PCDH9: variants seen among roughly 807,000 people sequenced by gnomAD.
The protein encoded by PCDH9 is protocadherin 9.
In PCDH9, 24 loss-of-function variants were observed where a neutral mutation model predicts 70.6. The observed-to-expected ratio is 0.34, with a 90% CI of 0.25 to 0.48. PCDH9 has a LOEUF of 0.48. PCDH9 is among the 20% of genes least tolerant of loss of function. The probability of loss-of-function intolerance (pLI) is 0.99; values close to 1 mark genes in which losing one functional copy is unlikely to be tolerated. For missense variants in PCDH9, 1,281 were observed against 1,503.6 expected (o/e 0.85, Z 2.45); for synonymous variants, 562 against 558.5 (o/e 1.01, Z -0.09).
intron 2 of PCDH9, among the ~76,000 whole-genome samples, chr13:67,158,334 T>C (rs1463307994): frequency 6.6e-6 from 1 of 152,230 alleles, no homozygotes; most frequent in African/African-American, 2.4e-5. Flanking sequence ...AAATTAAAAG[T>C]GCGAACTTAT....
chr13:66,584,452 T>C (rs2076935766), intron 4 of PCDH9, among the ~76,000 whole-genome samples: 1 of 152,138 alleles, frequency 6.6e-6, no homozygotes, highest in African/African-American at 2.4e-5. Context: ...TGCTTACAAG[T>C]TTCCTAAAGT....
At chr13:67,042,152 A>G (rs944265883) in intron 2 of PCDH9, among the ~76,000 whole-genome samples, 12 of 152,164 alleles carry the variant, frequency 7.9e-5, no homozygotes, top group African/African-American at 2.9e-4. Flanking sequence ...TTGTAGCGTG[A>G]AAGAGAAGTA....
At chr13:66,641,579 G>A (rs1012885304) in intron 3 of PCDH9, among the ~76,000 whole-genome samples, 1 of 152,148 alleles carries the variant, frequency 6.6e-6, no homozygotes, top group Non-Finnish European at 1.5e-5. Flanking sequence ...TTTGAGAAAT[G>A]TTTTCCAGAA....
chr13:66,990,027 CTT>C (rs947250971), intron 2 of PCDH9, among the ~76,000 whole-genome samples: 2 of 151,828 alleles, frequency 1.3e-5, no homozygotes, highest in African/African-American at 4.8e-5. Context: ...ATCATTAACT[CTT>C]TGTAACTAAC....
At chr13:67,188,889 A>T (rs2088832221) in intron 2 of PCDH9, among the ~76,000 whole-genome samples, 1 of 152,012 alleles carries the variant, frequency 6.6e-6, no homozygotes, top group Non-Finnish European at 1.5e-5. Flanking sequence ...CCCATCACCC[A>T]AGAAGTATAC....
intron 2 of PCDH9, among the ~76,000 whole-genome samples, chr13:67,195,150 C>CT (rs11427310): frequency 0.091 from 13,140 of 144,822 alleles, 679 homozygotes; most frequent in Middle Eastern, 0.17. Context: ...TTCATACTTT[C>CT]TTTTTTTTTT....
At chr13:66,946,815 T>C (rs1373950394) in intron 2 of PCDH9, among the ~76,000 whole-genome samples, 1 of 152,164 alleles carries the variant, frequency 6.6e-6, no homozygotes, top group African/African-American at 2.4e-5. Context: ...ATATAGTTAA[T>C]ATAATTTTTT....
Position 66,631,263 on chromosome 13 carries a change from TG to T in PCDH9, c.3286del (p.Gln1096ArgfsTer27). On this transcript the variant is annotated frameshift_variant, in exon 4 of 5. Coordinates refer to ENST00000377865, the MANE Select transcript of PCDH9 (RefSeq NM_203487.3). LOFTEE classifies it high-confidence loss of function. The part of the protein sequence containing the change: ...LVQPQDEFYD[Q>X]ASPDKRTEAD... ...TTCAGTCCTCTTGTCCGGAGAGGCC[TG>T]GTCATAGAATTCGTCCTGTGGCTGA... The T allele has an allele frequency of 1.9e-6, 3 of 1,611,750 alleles. No individual in the cohort carries two copies. The highest frequency in any genetic ancestry group is 2.5e-6 in the Non-Finnish European group (3 of 1,177,804).
At chr13:66,426,453 T>C (rs1231222124) in intron 4 of PCDH9, among the ~76,000 whole-genome samples, 1 of 150,758 alleles carries the variant, frequency 6.6e-6, no homozygotes, top group Non-Finnish European at 1.5e-5. Context: ...GCATTTTATT[T>C]CCCAGACTAT....
At chr13:67,182,562 T>C (rs542333256) in intron 2 of PCDH9, among the ~76,000 whole-genome samples, 2 of 152,158 alleles carry the variant, frequency 1.3e-5, no homozygotes, top group African/African-American at 4.8e-5. Context: ...ATGAAAATCA[T>C]AGGTCAGATT....
intron 4 of PCDH9, among the ~76,000 whole-genome samples, chr13:66,469,460 G>A (rs1958575008): frequency 6.8e-6 from 1 of 146,556 alleles, no homozygotes; most frequent in South Asian, 2.2e-4. Context: ...ACAAAAGGAA[G>A]GGAGGGAGGG....
intron 4 of PCDH9, among the ~76,000 whole-genome samples, chr13:66,545,874 C>G (rs1961171914): frequency 6.6e-6 from 1 of 151,078 alleles, no homozygotes; most frequent in Non-Finnish European, 1.5e-5. Flanking sequence ...GAGTCTCACT[C>G]TGTTGCCCAG....
At chr13:66,500,195 T>A (rs1959169375) in intron 4 of PCDH9, among the ~76,000 whole-genome samples, 1 of 152,214 alleles carries the variant, frequency 6.6e-6, no homozygotes, top group African/African-American at 2.4e-5. Flanking sequence ...GTTACATTGT[T>A]ACAATAATTC....
chr13:66,781,663 G>A (rs1434084010), intron 3 of PCDH9, among the ~76,000 whole-genome samples: 4 of 152,002 alleles, frequency 2.6e-5, no homozygotes, highest in Non-Finnish European at 5.9e-5. Flanking sequence ...AGGACCTTGT[G>A]GCTTCTGTAA....
intron 2 of PCDH9, chr13:66,991,214 G>A (rs2083996013): frequency 6.6e-6 from 1 of 151,996 alleles, no homozygotes; most frequent in African/African-American, 2.4e-5. Context: ...ATCAGCAGGT[G>A]TAAACCCAAT....
intron 4 of PCDH9, among the ~76,000 whole-genome samples, chr13:66,368,701 TA>T (rs1397261457): frequency 6.6e-6 from 1 of 152,018 alleles, no homozygotes; most frequent in Non-Finnish European, 1.5e-5. Flanking sequence ...ATGCTGCTGA[TA>T]AAAACATACC....
At chr13:66,915,156 C>A (rs1183261730) in intron 2 of PCDH9, 3 of 151,282 alleles carry the variant, frequency 2.0e-5, no homozygotes. Context: ...ATTAATGATA[C>A]TGATAATAGC....
intron 3 of PCDH9, among the ~76,000 whole-genome samples, chr13:66,844,274 C>T (rs935051753): frequency 1.3e-5 from 2 of 152,004 alleles, no homozygotes; most frequent in African/African-American, 4.8e-5. Flanking sequence ...TACTCCCAAA[C>T]ACTACAAACG....
chr13:66,926,029 G>T (rs555571547), intron 2 of PCDH9, among the ~76,000 whole-genome samples: 1 of 151,854 alleles, frequency 6.6e-6, no homozygotes. Context: ...GTTTCCTCAC[G>T]TATTTCACAT....
Sources: allele counts gnomAD v4.1 joint callset (sites outside exome capture counted in the v4.1 genomes callset), GRCh38; gene constraint gnomAD v4.1.1; transcripts MANE v1.5; gene names NCBI Gene and HGNC (gene_info 2026-07-23, HGNC 2026-07-21).